The following EIF3H variants were observed in gnomAD, a reference collection of about 807,000 sequenced individuals.
The protein encoded by EIF3H is eIF-3-gamma.
A neutral mutation model predicts 44.2 loss-of-function variants in EIF3H; 26 were observed. The ratio of observed to expected loss-of-function variants is 0.59; its 90% CI spans 0.43 to 0.82. The LOEUF (loss-of-function observed/expected upper bound fraction) is 0.82. EIF3H is among the 40% of genes least tolerant of loss of function. EIF3H has a pLI of 0.00. For synonymous variants in EIF3H, 166 were observed against 151.9 expected (o/e 1.09, Z -0.68); for missense variants, 359 against 432.8 (o/e 0.83, Z 1.51).
At position 116,720,632 on chromosome 8, in the gene EIF3H, T is replaced by G. The variant is rs1482807418; in HGVS notation, c.289+5384A>C. 8.2e-4 allele frequency among the ~76,000 whole-genome samples: 125 copies of G among 152,252 alleles called. 1 individual carries two copies. The highest frequency in any genetic ancestry group is 7.4e-5 in the Non-Finnish European group (5 of 68,024). On this transcript the variant is annotated intron_variant, in intron 2 of 7. Transcript: ENST00000521861. ...CAGAGGCTGAAACAGTTGGGAGGGC[T>G]CAGAAGACAGAAAAACTGTAGGAAA...
At chr8:116,660,163 T>C (rs1443749231) in intron 2 of EIF3H, among the ~76,000 whole-genome samples, 5 of 152,212 alleles carry the variant, frequency 3.3e-5, no homozygotes, top group African/African-American at 7.2e-5. Context: ...AGTGTTGGGA[T>C]TGCAGGCATG....
intron 1 of EIF3H, among the ~76,000 whole-genome samples, chr8:116,764,464 CA>C (rs1245207027): frequency 6.6e-6 from 1 of 151,994 alleles, no homozygotes; most frequent in Non-Finnish European, 1.5e-5. Context: ...TGCTTTATTA[CA>C]AAAAAGGTCC....
intron 2 of EIF3H, among the ~76,000 whole-genome samples, chr8:116,676,430 T>C (rs935271935): frequency 6.6e-6 from 1 of 152,186 alleles, no homozygotes; most frequent in Non-Finnish European, 1.5e-5. Context: ...CTTCACAAGA[T>C]GGCAGGATGA....
At chr8:116,722,754 T>A (rs186949422) in intron 2 of EIF3H, among the ~76,000 whole-genome samples, 84 of 152,316 alleles carry the variant, frequency 5.5e-4, no homozygotes, top group African/African-American at 1.9e-3. Context: ...ATCATTTTTT[T>A]TAAAAAATCT....
chr8:116,753,672 T>TC (rs1351037080), intron 1 of EIF3H, among the ~76,000 whole-genome samples: 1 of 152,196 alleles, frequency 6.6e-6, no homozygotes, highest in African/African-American at 2.4e-5. Context: ...CCTGAAGTGA[T>TC]CCAGTCCATC....
At chr8:116,752,795 G>GGGAGGGAGGGAAGGAA in intron 1 of EIF3H, among the ~76,000 whole-genome samples, 1 of 80,366 alleles carries the variant, frequency 1.2e-5, no homozygotes, top group Admixed American at 1.3e-4. Flanking sequence ...GAGGGAGGGA[G>GGGAGGGAGGGAAGGAA]GGAAGGAAGG....
At chr8:116,677,229 T>C (rs1174261670) in intron 2 of EIF3H, among the ~76,000 whole-genome samples, 1 of 152,176 alleles carries the variant, frequency 6.6e-6, no homozygotes, top group Non-Finnish European at 1.5e-5. Flanking sequence ...ATAAAGATAA[T>C]ATGTTAGATG....
chr8:116,685,236 T>G (rs1004071428), intron 2 of EIF3H, among the ~76,000 whole-genome samples: 1 of 152,162 alleles, frequency 6.6e-6, no homozygotes, highest in African/African-American at 2.4e-5. Context: ...AAACAGAACA[T>G]CTGGTGAAAC....
chr8:116,649,568 C>T (rs1483815938), intron 5 of EIF3H, among the ~76,000 whole-genome samples: 2 of 152,272 alleles, frequency 1.3e-5, no homozygotes, highest in Middle Eastern at 3.4e-3. Flanking sequence ...TGATTTCTGC[C>T]TGCAACTTAT....
At chr8:116,688,983 C>A (rs1814127119) in intron 2 of EIF3H, 1 of 351,994 alleles carries the variant, frequency 2.8e-6, no homozygotes, top group South Asian at 2.1e-5. Flanking sequence ...AAAGCAATGT[C>A]CACACAATTT....
At chr8:116,745,527 T>C (rs1241406920) in intron 1 of EIF3H, among the ~76,000 whole-genome samples, 1 of 152,190 alleles carries the variant, frequency 6.6e-6, no homozygotes, top group Non-Finnish European at 1.5e-5. Context: ...CAGTAAGCAC[T>C]GTCAAAAAGC....
intron 2 of EIF3H, among the ~76,000 whole-genome samples, chr8:116,725,514 T>C (rs1007819446): frequency 1.3e-5 from 2 of 152,210 alleles, no homozygotes; most frequent in Admixed American, 6.5e-5. Context: ...ATTTTAGCCT[T>C]TGATGTGAGC....
At chr8:116,740,310 T>A (rs1815108476) in intron 1 of EIF3H, among the ~76,000 whole-genome samples, 1 of 152,158 alleles carries the variant, frequency 6.6e-6, no homozygotes, top group Admixed American at 6.5e-5. Flanking sequence ...TACCAAGCAC[T>A]TATGTAACTG....
chr8:116,653,074 A>G (rs1191715199), intron 5 of EIF3H, among the ~76,000 whole-genome samples: 1 of 152,170 alleles, frequency 6.6e-6, no homozygotes, highest in Non-Finnish European at 1.5e-5. Context: ...GACAGTAGGG[A>G]AAAAATAACA....
intron 6 of EIF3H, 75 bp from the exon 7 acceptor site, chr8:116,646,678 C>T: frequency 6.4e-7 from 1 of 1,573,384 alleles, no homozygotes; most frequent in Non-Finnish European, 8.7e-7. Context: ...TTCCCCTACA[C>T]AACCAGCAGA....
At chr8:116,684,073 AAG>A (rs1176090499) in intron 2 of EIF3H, among the ~76,000 whole-genome samples, 1 of 152,226 alleles carries the variant, frequency 6.6e-6, no homozygotes, top group Non-Finnish European at 1.5e-5. Context: ...GAGTTTAGAA[AAG>A]AGAAAAATAA....
At chr8:116,658,173 T>C (rs1444309762) in intron 3 of EIF3H, 1 of 152,226 alleles carries the variant, frequency 6.6e-6, no homozygotes, top group Non-Finnish European at 1.5e-5. Flanking sequence ...ATAAGATTGA[T>C]CGTATTCATT....
intron 2 of EIF3H, among the ~76,000 whole-genome samples, chr8:116,675,119 A>T (rs866230542): frequency 9.9e-5 from 15 of 152,234 alleles, no homozygotes; most frequent in African/African-American, 3.4e-4. Flanking sequence ...ATCTCTTTGT[A>T]TTTTTAAATC....
intron 2 of EIF3H, among the ~76,000 whole-genome samples, chr8:116,698,456 T>G (rs1814310671): frequency 6.6e-6 from 1 of 152,308 alleles, no homozygotes; most frequent in East Asian, 1.9e-4. Flanking sequence ...CTTCTTGCAT[T>G]CAACTATTAT....
Sources: gnomAD v4.1 joint callset for allele counts (sites outside exome capture counted in the v4.1 genomes callset) on GRCh38, gnomAD v4.1.1 for gene constraint, MANE v1.5 for transcripts, NCBI Gene and HGNC (gene_info 2026-07-23, HGNC 2026-07-21) for gene names.